The following SLC4A7 variants were observed in gnomAD, a reference collection of about 807,000 sequenced individuals.
The protein encoded by SLC4A7 is sodium bicarbonate cotransporter 3.
SLC4A7 carries 51 observed loss-of-function variants against 137.6 expected under a neutral mutation model. The observed-to-expected ratio is 0.37, with a 90% CI of 0.30 to 0.47. The LOEUF (loss-of-function observed/expected upper bound fraction) is 0.47, where lower values mean the gene tolerates loss of function less well. SLC4A7 is among the 20% of genes least tolerant of loss of function. The pLI is 1.00. For missense variants in SLC4A7, 1,247 were observed against 1,525.4 expected, an observed-to-expected ratio of 0.82 and a Z score of 3.04; for synonymous variants, 542 against 518.6, an observed-to-expected ratio of 1.05 and a Z score of -0.61.
Position 27,421,745 on chromosome 3 carries a change from C to G in SLC4A7, c.1301G>C (p.Gly434Ala), listed in dbSNP as rs2055000201. ...CACCAGGACGTTGGATGCCTCAGCA[C>G]CCGTAGGAATTTTTCTCATGAAATT... ...DMNFMRKIPT[G>A]AEASNVLVGE... The change falls in exon 9 of 26, where the codon GGT (glycine) becomes GCT (alanine). Residue 434 changes from glycine (G) to alanine (A), a missense_variant. By Grantham distance (60) the Gly-to-Ala change is moderately conservative. This residue lies in a region of SLC4A7 where 499 missense variants were observed against 664.2 expected (regional missense o/e 0.75). Transcript: ENST00000454389. The G allele has an allele frequency of 1.2e-6, 2 of 1,612,980 alleles. No homozygotes were observed. The highest frequency in any genetic ancestry group is 1.7e-6 in the Non-Finnish European group (2 of 1,179,188).
chr3:27,381,759 T>C (rs545655655), intron 24 of SLC4A7, among the ~76,000 whole-genome samples: 4 of 152,306 alleles, frequency 2.6e-5, no homozygotes, highest in African/African-American at 9.6e-5. Context: ...CTAAGACTGA[T>C]TTCGCTAACT....
intron 7 of SLC4A7, among the ~76,000 whole-genome samples, chr3:27,425,541 T>C (rs2055494178): frequency 6.7e-6 from 1 of 149,032 alleles, no homozygotes; most frequent in African/African-American, 2.5e-5. Context: ...CCTGGCGTGG[T>C]GGAGCATGCC....
chr3:27,416,927 G>A (rs2054445875), intron 11 of SLC4A7, among the ~76,000 whole-genome samples: 1 of 152,102 alleles, frequency 6.6e-6, no homozygotes, highest in Non-Finnish European at 1.5e-5. Context: ...TGAGAAATTT[G>A]TCATCACAAC....
rs2049785290 is a variant in SLC4A7 at position 27,374,722 on chromosome 3, C to T, written c.*2042G>A. On this transcript the variant is annotated 3_prime_UTR_variant, in exon 26 of 26. Transcript: ENST00000454389. ...ATAAAATCACAGAAACACTATGATC[C>T]CAGGTAGTTTTCAGTTTTAAAATTT... 6.6e-6 allele frequency: 1 copy of T among 152,344 alleles called. No individual in the cohort carries two copies. The highest frequency in any genetic ancestry group is 2.4e-5 in the African/African-American group (1 of 41,384). The allele number at this position is 152,344 out of a possible 1,614,324, so 9.4% of individuals were successfully genotyped here. A position where few individuals can be genotyped will look rare whatever the true frequency, so the allele number is the denominator to read the frequency against.
intron 1 of SLC4A7, among the ~76,000 whole-genome samples, chr3:27,474,436 T>C (rs1323160898): frequency 6.6e-6 from 1 of 152,182 alleles, no homozygotes; most frequent in Non-Finnish European, 1.5e-5. Context: ...TTTGTCAAAA[T>C]GGTTAAATCA....
intron 13 of SLC4A7, 57 bp from the exon 14 acceptor site, chr3:27,405,020 G>C (rs1282659942): frequency 2.4e-6 from 3 of 1,266,962 alleles, no homozygotes; most frequent in South Asian, 1.7e-5. Context: ...TTTCTCTAAC[G>C]TACTATAATA....
intron 8 of SLC4A7, among the ~76,000 whole-genome samples, chr3:27,423,219 A>G (rs930391581): frequency 5.3e-5 from 8 of 152,310 alleles, no homozygotes; most frequent in Non-Finnish European, 1.0e-4. Context: ...ACTTTTCATC[A>G]AAGACTAAAA....
chr3:27,438,521 A>G (rs1474196345), intron 3 of SLC4A7, among the ~76,000 whole-genome samples: 1 of 151,972 alleles, frequency 6.6e-6, no homozygotes, highest in Non-Finnish European at 1.5e-5. Flanking sequence ...ATAAAATAAA[A>G]TAACACAAAA....
Position 27,403,290 on chromosome 3 carries a change from G to A in SLC4A7, c.2170C>T (p.Leu724Phe). The change falls in exon 15 of 26, where the codon CTT (leucine) becomes TTT (phenylalanine). Residue 724 changes from leucine (L) to phenylalanine (F), a missense_variant. Transcript: ENST00000454389. ...GTAAATCGAGTAATATAACACACAAGGCTGCTTGCATCTGTTGCAACCAAA... is the reference window on the plus strand; with the variant it reads ...GTAAATCGAGTAATATAACACACAAAGCTGCTTGCATCTGTTGCAACCAAA... ...IVLVATDASSLVCYITRFTEE... is the reference protein window; with the variant it reads ...IVLVATDASSFVCYITRFTEE... 1 of 1,613,892 alleles carries A rather than the reference G, an allele frequency of 6.2e-7. No individual in the cohort carries two copies. Among genetic ancestry groups the A allele is most frequent in the Non-Finnish European group, 8.5e-7 (1 of 1,179,940 alleles).
chr3:27,475,119 C>A (rs546841050), intron 1 of SLC4A7, among the ~76,000 whole-genome samples: 71 of 151,856 alleles, frequency 4.7e-4, no homozygotes, highest in Middle Eastern at 6.8e-3. Flanking sequence ...AGAAAAAAAA[C>A]CAGTATCAAA....
At chr3:27,398,060 A>T in intron 17 of SLC4A7, 132 bp downstream of exon 17, 1 of 682,142 alleles carries the variant, frequency 1.5e-6, no homozygotes. Context: ...TTTCACTACG[A>T]ATAATTTCTT....
At chr3:27,380,524 TA>T (rs2050319503) in intron 24 of SLC4A7, among the ~76,000 whole-genome samples, 1 of 152,054 alleles carries the variant, frequency 6.6e-6, no homozygotes, top group Non-Finnish European at 1.5e-5. Context: ...TTTCTTGGAT[TA>T]AAAAAATACA....
At chr3:27,393,020 G>C (rs1410718245) in intron 20 of SLC4A7, among the ~76,000 whole-genome samples, 1 of 151,948 alleles carries the variant, frequency 6.6e-6, no homozygotes. Flanking sequence ...AAGAATATTA[G>C]AACAAATCCA....
intron 1 of SLC4A7, among the ~76,000 whole-genome samples, chr3:27,467,504 T>A (rs966446154): frequency 5.3e-5 from 8 of 152,172 alleles, no homozygotes; most frequent in African/African-American, 1.9e-4. Flanking sequence ...TTTAATACTA[T>A]AACAAACATG....
chr3:27,414,952 G>A (rs149647235), intron 11 of SLC4A7, among the ~76,000 whole-genome samples: 48 of 152,300 alleles, frequency 3.2e-4, no homozygotes, highest in African/African-American at 1.1e-3. Context: ...TTTCAGGCTC[G>A]ATAACGTTCC....
In SLC4A7 at chr3:27,376,244, A is replaced by C. The variant is rs1391442162; in HGVS notation, c.*520T>G. On this transcript the variant is annotated 3_prime_UTR_variant, in exon 26 of 26. Transcript: ENST00000454389. ...TCATCTCTATGGCTAAGAAAACGCC[A>C]GTTAGTGAAACACGATGGACATCTA... 2 of 152,166 alleles carry C rather than the reference A, an allele frequency of 1.3e-5. No individual in the cohort carries two copies. The highest frequency in any genetic ancestry group is 4.8e-5 in the African/African-American group (2 of 41,468). The allele number at this position is 152,166 out of a possible 1,614,324, so 9.4% of individuals were successfully genotyped here.
At chr3:27,380,832 G>A (rs563606200) in intron 24 of SLC4A7, among the ~76,000 whole-genome samples, 6 of 152,272 alleles carry the variant, frequency 3.9e-5, no homozygotes, top group South Asian at 4.1e-4. Context: ...TGCCTACCCC[G>A]AGTAAACATT....
intron 3 of SLC4A7, among the ~76,000 whole-genome samples, chr3:27,446,480 T>C (rs1236445718): frequency 6.6e-6 from 1 of 152,206 alleles, no homozygotes; most frequent in Non-Finnish European, 1.5e-5. Flanking sequence ...TTGAAGCCCC[T>C]ATACTTAACA....
At chr3:27,430,186 T>C (rs1388602445) in intron 7 of SLC4A7, among the ~76,000 whole-genome samples, 1 of 151,968 alleles carries the variant, frequency 6.6e-6, no homozygotes, top group Non-Finnish European at 1.5e-5. Flanking sequence ...TGAGCTATGA[T>C]TGTGGCACTG....
Sources: allele counts gnomAD v4.1 joint callset (sites outside exome capture counted in the v4.1 genomes callset), GRCh38; gene constraint gnomAD v4.1.1; regional missense constraint gnomAD v4.1.1; transcripts MANE v1.5; gene names NCBI Gene and HGNC (gene_info 2026-07-23, HGNC 2026-07-21).